The following MRTFB variants were observed in gnomAD, a reference collection of about 807,000 sequenced individuals.
The protein encoded by MRTFB is myocardin-related transcription factor B.
In MRTFB, 29 loss-of-function variants were observed where a neutral mutation model predicts 104.2. The observed-to-expected ratio is 0.28, with a 90% CI of 0.21 to 0.38. MRTFB has a LOEUF of 0.38. MRTFB is among the 10% of genes least tolerant of loss of function. The pLI, the probability that MRTFB is intolerant of heterozygous loss-of-function variation, is 1.00. For synonymous variants in MRTFB, 535 were observed against 519.5 expected, an observed-to-expected ratio of 1.03 and a Z score of -0.41; for missense variants, 1,270 against 1,341.6, an observed-to-expected ratio of 0.95 and a Z score of 0.83.
At chr16:14,216,785 A>G (rs995926865) in intron 6 of MRTFB, among the ~76,000 whole-genome samples, 6 of 152,178 alleles carry the variant, frequency 3.9e-5, no homozygotes, top group Non-Finnish European at 8.8e-5. Flanking sequence ...CATGGGCCAC[A>G]TCCGTCTTGC....
At chr16:14,078,336 T>A (rs911732909) in intron 1 of MRTFB, among the ~76,000 whole-genome samples, 27 of 151,294 alleles carry the variant, frequency 1.8e-4, no homozygotes, top group African/African-American at 6.6e-4. Context: ...GACTTTGATC[T>A]TTTTTTTTGC....
At chr16:14,049,162 C>T in the MRTFB span, among the ~76,000 whole-genome samples, 1 of 152,194 alleles carries the variant, frequency 6.6e-6, no homozygotes, top group Non-Finnish European at 1.5e-5. Flanking sequence ...ACAGTCCCCA[C>T]CACACAGAAT....
chr16:14,242,154 T>G (rs958153627), intron 10 of MRTFB, among the ~76,000 whole-genome samples: 1 of 152,046 alleles, frequency 6.6e-6, no homozygotes, highest in Admixed American at 6.6e-5. Flanking sequence ...AAAAAATCCT[T>G]TGGGATTTTC....
At chr16:14,037,132 G>A in the MRTFB span, among the ~76,000 whole-genome samples, 1 of 152,160 alleles carries the variant, frequency 6.6e-6, no homozygotes, top group Non-Finnish European at 1.5e-5. Flanking sequence ...GAGTTGGGCA[G>A]GCTTGGATTT....
intron 3 of MRTFB, among the ~76,000 whole-genome samples, chr16:14,169,040 A>G (rs772098931): frequency 1.2e-4 from 18 of 152,156 alleles, no homozygotes; most frequent in African/African-American, 4.3e-4. Context: ...ACTTTATATT[A>G]TAGTAATTTT....
At chr16:14,026,789 A>T in the MRTFB span, among the ~76,000 whole-genome samples, 1 of 152,244 alleles carries the variant, frequency 6.6e-6, no homozygotes, top group Non-Finnish European at 1.5e-5. Flanking sequence ...GCATACAAGC[A>T]CATGGAAAGA....
chr16:14,197,835 T>C (rs1487822007), intron 3 of MRTFB, among the ~76,000 whole-genome samples: 1 of 152,188 alleles, frequency 6.6e-6, no homozygotes, highest in Non-Finnish European at 1.5e-5. Context: ...GGAATTATGG[T>C]GGTGAGAGGG....
chr16:14,122,198 T>C (rs2036879949), intron 2 of MRTFB, among the ~76,000 whole-genome samples: 1 of 152,146 alleles, frequency 6.6e-6, no homozygotes, highest in Admixed American at 6.5e-5. Flanking sequence ...TATTTAATTA[T>C]GTATCATGGA....
At chr16:14,092,784 A>C (rs2035158107) in intron 2 of MRTFB, 1 of 152,224 alleles carries the variant, frequency 6.6e-6, no homozygotes, top group Non-Finnish European at 1.5e-5. Context: ...AGATTGTACT[A>C]AGAAAATGTG....
chr16:14,204,850 T>C (rs1456403799), intron 3 of MRTFB, among the ~76,000 whole-genome samples: 1 of 152,226 alleles, frequency 6.6e-6, no homozygotes, highest in Admixed American at 6.5e-5. Context: ...ATATATTACA[T>C]TGGAATAGTC....
chr16:14,004,830 A>C, the MRTFB span, among the ~76,000 whole-genome samples: 8 of 152,252 alleles, frequency 5.3e-5, no homozygotes, highest in Non-Finnish European at 1.0e-4. Flanking sequence ...AGCTTTCTCC[A>C]GAAGCTCCTC....
rs994907192 is a variant in MRTFB at position 14,258,247 on chromosome 16, A to T, written c.2764+86A>T. 7.2e-6 allele frequency: 7 copies of T among 968,276 alleles called. No homozygotes were observed. The African/African-American group carries it at 9.8e-5, about 14-fold the overall frequency. 60.0% of individuals were successfully genotyped at this position (968,276 alleles called of 1,614,324 possible). ...AGTTTTTCTTAAGCACTCATAGCTT[A>T]TCTTTAGATACTGAGAAACGTGTTC... is the stretch of plus-strand genomic sequence containing the variant. On this transcript the variant is annotated intron_variant, in intron 16 of 16. Coordinates refer to ENST00000571589, the MANE Select transcript of MRTFB (RefSeq NM_001308142.2).
the MRTFB span, among the ~76,000 whole-genome samples, chr16:14,033,343 C>T: frequency 6.6e-6 from 1 of 151,114 alleles, no homozygotes; most frequent in South Asian, 2.1e-4. Context: ...GCCAGGAGTT[C>T]AAGACCAGCC....
chr16:14,093,664 AATAGACTAAAACTTTGT>A (rs1049843002), intron 2 of MRTFB, among the ~76,000 whole-genome samples: 2 of 152,230 alleles, frequency 1.3e-5, no homozygotes, highest in African/African-American at 4.8e-5. Context: ...ACAAATATCT[AATAGACTAAAACTTTGT>A]ATATTTTGAA....
intron 2 of MRTFB, among the ~76,000 whole-genome samples, chr16:14,089,384 A>G (rs1311807710): frequency 6.6e-6 from 1 of 152,198 alleles, no homozygotes; most frequent in Non-Finnish European, 1.5e-5. Flanking sequence ...TGGACATGCC[A>G]TGTAAATGGA....
At chr16:14,055,380 G>A in the MRTFB span, among the ~76,000 whole-genome samples, 44 of 152,208 alleles carry the variant, frequency 2.9e-4, no homozygotes, top group African/African-American at 7.9e-4. Context: ...AGTAGTTAAC[G>A]TGGGTACAAT....
At chr16:14,257,985 A>C (rs1015473365) in intron 15 of MRTFB, 116 bp from the exon 16 acceptor site, 1 of 900,696 alleles carries the variant, frequency 1.1e-6, no homozygotes, top group African/African-American at 1.7e-5. Flanking sequence ...AGTGTTTTCA[A>C]AATTATCACG....
chr16:14,239,130 G>C (rs1167422778), intron 9 of MRTFB, among the ~76,000 whole-genome samples: 1 of 152,112 alleles, frequency 6.6e-6, no homozygotes, highest in Non-Finnish European at 1.5e-5. Flanking sequence ...TAAAAATCTT[G>C]TTGCAGAATC....
At chr16:14,250,209 A>G (rs1200590992) in intron 13 of MRTFB, among the ~76,000 whole-genome samples, 2 of 152,210 alleles carry the variant, frequency 1.3e-5, no homozygotes, top group Admixed American at 6.5e-5. Context: ...TTTTTCAAAT[A>G]GGAGTATATT....
Sources: allele counts gnomAD v4.1 joint callset (sites outside exome capture counted in the v4.1 genomes callset), GRCh38; gene constraint gnomAD v4.1.1; transcripts MANE v1.5; gene names NCBI Gene and HGNC (gene_info 2026-07-23, HGNC 2026-07-21).